The following TPM1 variants were observed in gnomAD, a reference collection of about 807,000 sequenced individuals.
TPM1 encodes tropomyosin alpha-1 chain.
A neutral mutation model predicts 42.9 loss-of-function variants in TPM1; 24 were observed. The observed-to-expected ratio is 0.56, with a 90% CI of 0.41 to 0.79. TPM1 has a LOEUF of 0.79. TPM1 is among the 30% of genes least tolerant of loss of function. TPM1 has a pLI of 0.00. For missense variants in TPM1, 158 were observed against 351.8 expected, an observed-to-expected ratio of 0.45 and a Z score of 4.41; for synonymous variants, 136 against 130.1, an observed-to-expected ratio of 1.05 and a Z score of -0.31.
chr15:63,048,849 G>A (rs1386506678), intron 2 of TPM1: 2 of 1,161,614 alleles, frequency 1.7e-6, no homozygotes, highest in Non-Finnish European at 2.5e-6. Context: ...ACCTGGGCCA[G>A]CTGGCGGCGG....
chr15:63,063,706 G>A (rs758450506), intron 8 of TPM1: 9 of 232,240 alleles, frequency 3.9e-5, no homozygotes, highest in Non-Finnish European at 7.7e-5. Context: ...ATATAGCTCT[G>A]CAAAAGAAAG....
chr15:63,065,703 G>A (rs1274874139), intron 9 of TPM1, 193 bp from the exon 10 acceptor site: 14 of 962,408 alleles, frequency 1.5e-5, no homozygotes, highest in African/African-American at 7.0e-5. Context: ...GACCCTTGCC[G>A]AAAGGCGGCC....
intron 9 of TPM1, chr15:63,064,949 A>C (rs1186399132): frequency 7.2e-6 from 7 of 970,748 alleles, no homozygotes; most frequent in Non-Finnish European, 8.6e-6. Context: ...CCTGGACGAC[A>C]GAGCGAGACT....
intron 2 of TPM1, among the ~76,000 whole-genome samples, chr15:63,053,377 A>G (rs2034240982): frequency 1.3e-5 from 2 of 152,180 alleles, no homozygotes; most frequent in South Asian, 4.2e-4. Flanking sequence ...GCCAGTTCCA[A>G]GGTTTCCGTG....
intron 7 of TPM1, 31 bp downstream of exon 7, chr15:63,062,308 G>A (rs763508949): frequency 6.2e-7 from 1 of 1,605,128 alleles, no homozygotes; most frequent in Non-Finnish European, 8.5e-7. Context: ...GAAGCCAACT[G>A]GATTTTAAAT....
chr15:63,064,365 T>G, intron 9 of TPM1: 1 of 1,413,992 alleles, frequency 7.1e-7, no homozygotes, highest in Non-Finnish European at 9.2e-7. Context: ...AATCCGTTTA[T>G]TTTGTAAACG....
chr15:63,043,413 G>A, intron 1 of TPM1: 1 of 629,836 alleles, frequency 1.6e-6, no homozygotes, highest in Non-Finnish European at 2.9e-6. Flanking sequence ...GGGCGGAATG[G>A]AGGCTACAGC....
downstream of TPM1, chr15:63,070,054 GAAATGC>G: frequency 6.4e-7 from 1 of 1,568,540 alleles, no homozygotes; most frequent in Non-Finnish European, 8.7e-7. Flanking sequence ...GCTTTCTGCA[GAAATGC>G]AAATGCAAGG....
chr15:63,043,662 C>T (rs1056687108), intron 1 of TPM1: 2 of 1,536,994 alleles, frequency 1.3e-6, no homozygotes, highest in Admixed American at 2.0e-5. Flanking sequence ...TGTCTAACAC[C>T]CGGTCCGTGC....
intron 1 of TPM1, 57 bp downstream of exon 1, chr15:63,043,000 A>AC (rs1263614296): frequency 3.4e-6 from 5 of 1,470,778 alleles, no homozygotes; most frequent in Non-Finnish European, 4.7e-6. Context: ...CGAGCCTGGC[A>AC]CCCCCGGCTG....
chr15:63,067,981 C>G (rs2036376977), downstream of TPM1, among the ~76,000 whole-genome samples: 1 of 152,226 alleles, frequency 6.6e-6, no homozygotes, highest in African/African-American at 2.4e-5. Context: ...GACCACTGTC[C>G]TTCCTGCTGA....
chr15:63,049,593 A>G (rs896221194), intron 2 of TPM1, among the ~76,000 whole-genome samples: 2 of 152,122 alleles, frequency 1.3e-5, no homozygotes, highest in Non-Finnish European at 2.9e-5. Context: ...ACACCTTGGG[A>G]GTTTTATGAC....
At chr15:63,068,020 A>AT (rs141893122), downstream of TPM1, among the ~76,000 whole-genome samples, 531 of 152,218 alleles carry the variant, frequency 3.5e-3, 4 homozygotes, top group African/African-American at 0.012. Context: ...GATTCTCCAG[A>AT]TTTTCTCCAA....
chr15:63,048,472 G>A, intron 2 of TPM1: 1 of 1,395,730 alleles, frequency 7.2e-7, no homozygotes, highest in Non-Finnish European at 9.2e-7. Flanking sequence ...CCTGGGCGGG[G>A]CGGACCGGCG....
At chr15:63,071,080 C>T (rs758730322), downstream of TPM1, 1 of 1,613,978 alleles carries the variant, frequency 6.2e-7, no homozygotes, top group Admixed American at 1.7e-5. Flanking sequence ...ATTTTCTAAT[C>T]TCACCACAGA....
chr15:63,070,536 C>T, downstream of TPM1: 2 of 994,734 alleles, frequency 2.0e-6, no homozygotes, highest in Non-Finnish European at 2.4e-6. Context: ...AAATAGAACA[C>T]TATAAAAATA....
chr15:63,069,283 G>A (rs1158956178), downstream of TPM1, among the ~76,000 whole-genome samples: 1 of 152,154 alleles, frequency 6.6e-6, no homozygotes, highest in African/African-American at 2.4e-5. Flanking sequence ...CCTGTATTGT[G>A]GTGACTGGGG....
chr15:63,060,190 T>C (rs897348551), intron 4 of TPM1, among the ~76,000 whole-genome samples: 2 of 152,214 alleles, frequency 1.3e-5, no homozygotes, highest in African/African-American at 4.8e-5. Context: ...GAAAACAGCC[T>C]CCTGTGATAA....
At chr15:63,063,937 A>G in intron 8 of TPM1, 127 bp from the exon 9 acceptor site, 2 of 1,396,592 alleles carry the variant, frequency 1.4e-6, no homozygotes, top group South Asian at 1.4e-5. Context: ...TGCGGCACCA[A>G]CCCCTTCATG....
Sources: gnomAD v4.1 joint callset for allele counts (sites outside exome capture counted in the v4.1 genomes callset) on GRCh38, gnomAD v4.1.1 for gene constraint, MANE v1.5 for transcripts, NCBI Gene and HGNC (gene_info 2026-07-23, HGNC 2026-07-21) for gene names.